LINGO2: variants seen among roughly 807,000 people sequenced by gnomAD.
LINGO2 encodes leucine rich repeat and Ig domain containing 2.
Under a neutral mutation model 30.6 loss-of-function variants are expected in LINGO2, and 14 were observed. The observed-to-expected ratio is 0.46, with a 90% CI of 0.30 to 0.72. LINGO2 has a LOEUF of 0.72. Ranked by LOEUF, LINGO2 falls within the 30% of genes least tolerant of loss-of-function variation. LINGO2 has a pLI of 0.07. For missense variants in LINGO2, 729 were observed against 751.7 expected, an observed-to-expected ratio of 0.97 and a Z score of 0.35; for synonymous variants, 317 against 288.5, an observed-to-expected ratio of 1.10 and a Z score of -1.00.
intron 5 of LINGO2, among the ~76,000 whole-genome samples, chr9:27,954,992 TG>T (rs1819496972): frequency 1.3e-5 from 2 of 152,214 alleles, no homozygotes; most frequent in Non-Finnish European, 1.5e-5. Flanking sequence ...TGCATTTCCC[TG>T]ATGATTACTG....
downstream of LINGO2, chr9:27,944,448 A>C (rs1391156306): frequency 1.3e-5 from 2 of 152,192 alleles, no homozygotes; most frequent in Non-Finnish European, 2.9e-5. Context: ...GGGGAGCATC[A>C]CTGAGAGATT....
At chr9:28,643,450 C>G (rs939206455) in intron 1 of LINGO2, among the ~76,000 whole-genome samples, 1 of 151,988 alleles carries the variant, frequency 6.6e-6, no homozygotes, top group Non-Finnish European at 1.5e-5. Flanking sequence ...AAGACAGTCT[C>G]TTCAACAAGT....
intron 4 of LINGO2, among the ~76,000 whole-genome samples, chr9:28,181,179 T>G (rs1231635265): frequency 6.6e-6 from 1 of 152,142 alleles, no homozygotes; most frequent in Admixed American, 6.6e-5. Context: ...CAAAATCACG[T>G]GCAGCTCTTA....
chr9:28,090,725 G>C (rs7468931), intron 4 of LINGO2, among the ~76,000 whole-genome samples: 149,230 of 152,254 alleles, frequency 0.98, 73,206 homozygotes, highest in East Asian at 1. Context: ...GGCAATTAGG[G>C]AGGAGAAAGA....
chr9:28,211,383 T>C (rs1820587386), intron 4 of LINGO2, among the ~76,000 whole-genome samples: 1 of 151,078 alleles, frequency 6.6e-6, no homozygotes, highest in Admixed American at 6.6e-5. Context: ...TGTTAAATTG[T>C]GTACCACTAA....
chr9:29,143,197 G>T, the LINGO2 span, among the ~76,000 whole-genome samples: 1 of 152,018 alleles, frequency 6.6e-6, no homozygotes, highest in African/African-American at 2.4e-5. Context: ...ATCACATCTA[G>T]TGTTTATGGA....
At chr9:28,710,646 T>C in the LINGO2 span, among the ~76,000 whole-genome samples, 995 of 152,172 alleles carry the variant, frequency 6.5e-3, 24 homozygotes, top group Admixed American at 0.036. Context: ...ATTTCACTGG[T>C]TATCTTTGAA....
intron 4 of LINGO2, among the ~76,000 whole-genome samples, chr9:28,142,911 T>C (rs1034889022): frequency 1.3e-5 from 2 of 152,202 alleles, no homozygotes; most frequent in Non-Finnish European, 2.9e-5. Context: ...GTTGGTTTAG[T>C]TGGCAGTCAA....
intron 1 of LINGO2, among the ~76,000 whole-genome samples, chr9:28,480,713 A>C (rs935590300): frequency 6.6e-6 from 1 of 152,082 alleles, no homozygotes; most frequent in African/African-American, 2.4e-5. Flanking sequence ...TACTCCTAAA[A>C]TGCTTTCAGG....
chr9:28,543,277 A>C (rs1821785631), intron 1 of LINGO2, among the ~76,000 whole-genome samples: 1 of 152,088 alleles, frequency 6.6e-6, no homozygotes, highest in Admixed American at 6.6e-5. Flanking sequence ...TTATAACCAA[A>C]TTCTCATAAA....
At chr9:28,302,609 T>C (rs1318672602) in intron 3 of LINGO2, among the ~76,000 whole-genome samples, 1 of 152,146 alleles carries the variant, frequency 6.6e-6, no homozygotes, top group Non-Finnish European at 1.5e-5. Context: ...AAGTTGTGGC[T>C]GTAGTTAGCC....
the LINGO2 span, among the ~76,000 whole-genome samples, chr9:28,890,722 G>A: frequency 6.6e-6 from 1 of 152,008 alleles, no homozygotes; most frequent in Admixed American, 6.6e-5. Context: ...GTTATTTGCT[G>A]TTAAAGTCTC....
chr9:28,169,730 T>C (rs752217772), intron 4 of LINGO2, among the ~76,000 whole-genome samples: 5 of 152,154 alleles, frequency 3.3e-5, no homozygotes, highest in Non-Finnish European at 5.9e-5. Context: ...GGAGCCAGAA[T>C]TGAGAAATGG....
chr9:27,997,611 T>C (rs1821734835), intron 5 of LINGO2, among the ~76,000 whole-genome samples: 3 of 152,366 alleles, frequency 2.0e-5, no homozygotes, highest in African/African-American at 4.8e-5. Context: ...ATTTTTACTG[T>C]GTACTTACTA....
chr9:28,584,162 A>G (rs1824411033), intron 1 of LINGO2, among the ~76,000 whole-genome samples: 1 of 152,072 alleles, frequency 6.6e-6, no homozygotes, highest in African/African-American at 2.4e-5. Flanking sequence ...AGATTTAGAC[A>G]CATGCCCTTC....
At chr9:29,105,531 G>A in the LINGO2 span, among the ~76,000 whole-genome samples, 5 of 152,080 alleles carry the variant, frequency 3.3e-5, no homozygotes, top group Non-Finnish European at 5.9e-5. Flanking sequence ...AAGATAGACC[G>A]TGTCCTTTGT....
At chr9:28,444,282 C>T (rs1824322255) in intron 2 of LINGO2, among the ~76,000 whole-genome samples, 1 of 152,172 alleles carries the variant, frequency 6.6e-6, no homozygotes, top group South Asian at 2.1e-4. Flanking sequence ...GAGTGGTGAC[C>T]CTTCTGGTGG....
At chr9:28,566,343 A>G (rs897020526) in intron 1 of LINGO2, among the ~76,000 whole-genome samples, 1 of 152,168 alleles carries the variant, frequency 6.6e-6, no homozygotes, top group South Asian at 2.1e-4. Flanking sequence ...CTGGTGACAT[A>G]ATTGTCCCAA....
chr9:28,070,614 T>C (rs947172237), intron 4 of LINGO2, among the ~76,000 whole-genome samples: 1 of 152,194 alleles, frequency 6.6e-6, no homozygotes, highest in African/African-American at 2.4e-5. Flanking sequence ...ACTATAAACA[T>C]TAGAAGTAAC....
Sources: gnomAD v4.1 joint callset for allele counts (sites outside exome capture counted in the v4.1 genomes callset) on GRCh38, gnomAD v4.1.1 for gene constraint, MANE v1.5 for transcripts, NCBI Gene and HGNC (gene_info 2026-07-23, HGNC 2026-07-21) for gene names.